Variants in POU6F2 observed in about 807,000 individuals in gnomAD.
POU6F2 encodes POU domain, class 6, transcription factor 2.
POU6F2 carries 31 observed loss-of-function variants against 71.3 expected under a neutral mutation model. That is an observed-to-expected ratio of 0.43 (90% confidence interval 0.33 to 0.59). The LOEUF is 0.59. Among genes scored for constraint, POU6F2 ranks in the 20% least tolerant of loss-of-function variants. POU6F2 has a pLI of 0.04. For missense variants in POU6F2, 783 were observed against 856.8 expected, an observed-to-expected ratio of 0.91 and a Z score of 1.07; for synonymous variants, 347 against 355.7, an observed-to-expected ratio of 0.98 and a Z score of 0.27.
chr7:39,181,631 A>G (rs561619798), intron 2 of POU6F2, among the ~76,000 whole-genome samples: 2 of 152,238 alleles, frequency 1.3e-5, no homozygotes, highest in Admixed American at 6.5e-5. Flanking sequence ...AACCTCTTCA[A>G]CTATCCTGTT....
At chr7:39,150,171 G>C (rs928923827) in intron 2 of POU6F2, among the ~76,000 whole-genome samples, 7 of 151,882 alleles carry the variant, frequency 4.6e-5, no homozygotes, top group Non-Finnish European at 1.0e-4. Flanking sequence ...GATTACAGGC[G>C]TAAGCCACCG....
intron 4 of POU6F2, among the ~76,000 whole-genome samples, chr7:39,215,985 GT>G (rs1794234898): frequency 1.3e-5 from 2 of 152,180 alleles, no homozygotes; most frequent in South Asian, 2.1e-4. Flanking sequence ...TCTGGGATAT[GT>G]TTTTTTCGTT....
intron 2 of POU6F2, among the ~76,000 whole-genome samples, chr7:39,142,391 G>A (rs1792521112): frequency 6.6e-6 from 1 of 152,208 alleles, no homozygotes; most frequent in South Asian, 2.1e-4. Context: ...GGCAGGAGAG[G>A]TGGGTAATGA....
intron 5 of POU6F2, among the ~76,000 whole-genome samples, chr7:39,392,926 G>A (rs927493086): frequency 5.9e-5 from 9 of 152,204 alleles, no homozygotes; most frequent in Non-Finnish European, 1.2e-4. Context: ...TGATTGGGGA[G>A]ATGGGTTTCT....
chr7:39,178,341 A>C (rs763654308), intron 2 of POU6F2, among the ~76,000 whole-genome samples: 1 of 152,126 alleles, frequency 6.6e-6, no homozygotes, highest in Non-Finnish European at 1.5e-5. Flanking sequence ...AATATCCCAC[A>C]AGAGTTTCTC....
chr7:39,102,508 G>T (rs1021551549), intron 2 of POU6F2, among the ~76,000 whole-genome samples: 2 of 152,008 alleles, frequency 1.3e-5, no homozygotes, highest in Non-Finnish European at 2.9e-5. Flanking sequence ...TAATTGAACT[G>T]CTTCTGAATT....
At chr7:38,982,092 G>A (rs73369711) in intron 1 of POU6F2, among the ~76,000 whole-genome samples, 2,457 of 152,222 alleles carry the variant, frequency 0.016, 67 homozygotes, top group African/African-American at 0.056. Context: ...TAACACATTT[G>A]AAGATTGCCC....
At chr7:39,322,966 C>A (rs772146957) in intron 4 of POU6F2, among the ~76,000 whole-genome samples, 5 of 152,128 alleles carry the variant, frequency 3.3e-5, no homozygotes, top group Admixed American at 3.3e-4. Flanking sequence ...TTAACCAAAG[C>A]AAGCACATGA....
At chr7:39,264,465 T>C (rs1442342167) in intron 4 of POU6F2, among the ~76,000 whole-genome samples, 1 of 152,150 alleles carries the variant, frequency 6.6e-6, no homozygotes, top group Non-Finnish European at 1.5e-5. Context: ...GGCCCCAAGA[T>C]TATTTCCTGA....
chr7:39,212,245 G>A (rs183125218), intron 4 of POU6F2, among the ~76,000 whole-genome samples: 147 of 152,310 alleles, frequency 9.7e-4, no homozygotes, highest in African/African-American at 3.3e-3. Flanking sequence ...TCTCTCATCA[G>A]CAGAAGGGGT....
At chr7:39,102,084 C>T (rs559848103) in intron 2 of POU6F2, among the ~76,000 whole-genome samples, 97 of 152,258 alleles carry the variant, frequency 6.4e-4, no homozygotes, top group African/African-American at 2.1e-3. Flanking sequence ...ACAGAATCAT[C>T]AGAGCAGTAC....
At chr7:39,445,241 GC>G (rs1788497258) in intron 7 of POU6F2, among the ~76,000 whole-genome samples, 1 of 152,072 alleles carries the variant, frequency 6.6e-6, no homozygotes, top group South Asian at 2.1e-4. Flanking sequence ...TTTTTCTCAA[GC>G]CACCCAGAAT....
At chr7:39,093,856 A>T (rs186505486) in intron 2 of POU6F2, among the ~76,000 whole-genome samples, 2 of 152,210 alleles carry the variant, frequency 1.3e-5, no homozygotes, top group East Asian at 3.9e-4. Context: ...TGCTATCTGT[A>T]TAAAATATTT....
intron 6 of POU6F2, among the ~76,000 whole-genome samples, chr7:39,410,961 A>G (rs549489639): frequency 1.8e-4 from 27 of 152,200 alleles, no homozygotes; most frequent in Non-Finnish European, 3.2e-4. Flanking sequence ...AGATAATAGT[A>G]ACACCGGGTC....
chr7:39,405,667 G>C (rs1429455278), intron 5 of POU6F2, among the ~76,000 whole-genome samples: 1 of 152,186 alleles, frequency 6.6e-6, no homozygotes, highest in Non-Finnish European at 1.5e-5. Flanking sequence ...TTTATATCTA[G>C]TCATTAACCT....
At chr7:39,176,538 G>A (rs1793333572) in intron 2 of POU6F2, among the ~76,000 whole-genome samples, 1 of 152,158 alleles carries the variant, frequency 6.6e-6, no homozygotes, top group Non-Finnish European at 1.5e-5. Flanking sequence ...TAGGGGAGAA[G>A]CGTGTCTTTT....
chr7:39,026,527 A>T (rs938271253), intron 1 of POU6F2, among the ~76,000 whole-genome samples: 4 of 152,116 alleles, frequency 2.6e-5, no homozygotes, highest in African/African-American at 9.7e-5. Context: ...GCATGTTCTC[A>T]GTCATAGATG....
In POU6F2 at chr7:39,403,758, A is replaced by G. The variant is rs546545959; in HGVS notation, c.973-2842A>G. On this transcript the variant is annotated intron_variant, in intron 5 of 9. Coordinates refer to ENST00000518318, the MANE Select transcript of POU6F2 (RefSeq NM_001370959.1). ...ACCAACCCCTTCACTTCCCTCCCAC[A>G]TATTTTAATGCATATTACATCCCTG... Among the ~76,000 whole-genome samples the G allele has an allele frequency of 2.4e-4, 36 of 152,340 alleles. No individual in the cohort carries two copies. In the East Asian group the frequency reaches 3.3e-3, roughly 14 times the overall value.
intron 1 of POU6F2, among the ~76,000 whole-genome samples, chr7:39,062,132 T>C (rs1790670417): frequency 6.6e-6 from 1 of 152,180 alleles, no homozygotes; most frequent in African/African-American, 2.4e-5. Flanking sequence ...CTTGAAGCCA[T>C]TATTAGGATT....
Sources: allele counts gnomAD v4.1 joint callset (sites outside exome capture counted in the v4.1 genomes callset), GRCh38; gene constraint gnomAD v4.1.1; transcripts MANE v1.5; gene names NCBI Gene and HGNC (gene_info 2026-07-23, HGNC 2026-07-21).